The following SYNE1 variants were observed in gnomAD, a reference collection of about 807,000 sequenced individuals.
SYNE1 encodes the protein nesprin-1.
SYNE1 carries 616 observed loss-of-function variants against 1,111.0 expected under a neutral mutation model. That is an observed-to-expected ratio of 0.55 (90% confidence interval 0.52 to 0.59). The LOEUF is 0.59. SYNE1 is among the 20% of genes least tolerant of loss of function. The pLI, the probability that SYNE1 is intolerant of heterozygous loss-of-function variation, is 0.00. For synonymous variants in SYNE1, 3,855 were observed against 3,825.8 expected, an observed-to-expected ratio of 1.01 and a Z score of -0.28; for missense variants, 10,006 against 10,417.0, an observed-to-expected ratio of 0.96 and a Z score of 1.72.
rs1034606579 is a variant in SYNE1 at position 152,133,471 on chromosome 6, C to T, written c.25806G>A (p.Leu8602=). The change falls in exon 143 of 146, where the codon CTG becomes CTA. Residue 8602 remains leucine, a synonymous_variant. Transcript: ENST00000367255. The part of the protein sequence containing the change: ...HKQLMQIKHE[L]LESQLRVASL... ...AGGCTACTCTGAGTTGGGATTCCAA[C>T]AGCTCATGCTTTATTTGCTATGCAT... 5 of 1,614,104 alleles carry T rather than the reference C, an allele frequency of 3.1e-6. No individual in the cohort carries two copies. The highest frequency in any genetic ancestry group is 3.4e-6 in the Non-Finnish European group (4 of 1,180,044).
At chr6:152,527,955 T>C (rs1594734838) in intron 4 of SYNE1, among the ~76,000 whole-genome samples, 1 of 152,126 alleles carries the variant, frequency 6.6e-6, no homozygotes, top group African/African-American at 2.4e-5. Flanking sequence ...CTCCAGCTGT[T>C]CCCTCCACAA....
chr6:152,291,207 TGC>T (rs2094589227), intron 95 of SYNE1, among the ~76,000 whole-genome samples: 2 of 111,782 alleles, frequency 1.8e-5, no homozygotes, highest in African/African-American at 7.3e-5. Context: ...TATTAATATA[TGC>T]AATTATATTA....
intron 2 of SYNE1, among the ~76,000 whole-genome samples, chr6:152,634,627 T>G (rs916101051): frequency 1.3e-5 from 2 of 152,200 alleles, no homozygotes; most frequent in African/African-American, 4.8e-5. Flanking sequence ...CTAGTATGAA[T>G]TATACAGAGT....
rs566289838 is a variant in SYNE1 at position 152,542,603 on chromosome 6, A to G, written c.68-2582T>C. ...ACATATAAAACTGTCAAGACACTGA[A>G]CTACCAAGGTCATCCAGCAGCACAG... On this transcript the variant is annotated intron_variant, in intron 3 of 145. Coordinates refer to ENST00000367255, the MANE Select transcript of SYNE1 (RefSeq NM_182961.4). Among the ~76,000 whole-genome samples the G allele has an allele frequency of 9.5e-4, 145 of 152,264 alleles. 1 individual carries two copies. Among genetic ancestry groups the G allele is most frequent in the African/African-American group, 3.0e-3 (126 of 41,558 alleles).
intron 31 of SYNE1, among the ~76,000 whole-genome samples, chr6:152,441,735 G>A (rs2098532331): frequency 6.6e-6 from 1 of 152,178 alleles, no homozygotes; most frequent in Admixed American, 6.5e-5. Context: ...ATAAATGTGT[G>A]GCTGCATGGC....
In SYNE1 at chr6:152,318,951, A is replaced by G. The variant is rs751260704; in HGVS notation, c.16301T>C (p.Ile5434Thr). 3 of 1,614,188 alleles carry G rather than the reference A, an allele frequency of 1.9e-6. No homozygotes were observed. Among genetic ancestry groups the G allele is most frequent in the Non-Finnish European group, 1.7e-6 (2 of 1,180,038 alleles). ...TGTGAGGTCTTTAGCTAACTTCTGA[A>G]TTTGCCGGCTGAGTTCCTGGCTCGT... ...KATSQELSRQ[I>T]QKLAKDLTTI... The change falls in exon 85 of 146, where the codon ATT (isoleucine) becomes ACT (threonine). Residue 5434 changes from isoleucine to threonine, a missense_variant. Physicochemically the swap from Ile to Thr is moderately conservative, Grantham distance 89. Around this residue, in one of 7 missense-constraint regions of SYNE1, gnomAD observed 4,955 missense variants for 5,017.2 expected, o/e 0.99. Coordinates refer to ENST00000367255, the MANE Select transcript of SYNE1 (RefSeq NM_182961.4).
At chr6:152,196,463 A>C (rs1361507227) in intron 127 of SYNE1, among the ~76,000 whole-genome samples, 1 of 151,962 alleles carries the variant, frequency 6.6e-6, no homozygotes, top group Non-Finnish European at 1.5e-5. Flanking sequence ...ACTGCTGACT[A>C]TCCAGGGCCT....
intron 4 of SYNE1, among the ~76,000 whole-genome samples, chr6:152,535,946 G>C (rs1209178299): frequency 2.0e-5 from 3 of 152,214 alleles, no homozygotes; most frequent in Admixed American, 6.5e-5. Flanking sequence ...CAAGGCCTAT[G>C]CTGTTAGGCC....
chr6:152,496,583 C>T (rs1389610883), intron 11 of SYNE1, among the ~76,000 whole-genome samples: 3 of 152,140 alleles, frequency 2.0e-5, no homozygotes, highest in African/African-American at 7.2e-5. Context: ...CACGATATCA[C>T]CCCTTACCCC....
chr6:152,405,601 A>C (rs1209105470), intron 45 of SYNE1, among the ~76,000 whole-genome samples: 1 of 152,246 alleles, frequency 6.6e-6, no homozygotes, highest in Non-Finnish European at 1.5e-5. Context: ...TTAAGTTTTA[A>C]TAATGGTTGT....
At chr6:152,233,288 C>T (rs1056393932) in intron 112 of SYNE1, among the ~76,000 whole-genome samples, 3 of 152,034 alleles carry the variant, frequency 2.0e-5, no homozygotes, top group Admixed American at 2.0e-4. Context: ...TAAAGAAACC[C>T]TCAGAGGAAA....
At chr6:152,547,854 T>C (rs1417038515) in intron 3 of SYNE1, among the ~76,000 whole-genome samples, 1 of 152,194 alleles carries the variant, frequency 6.6e-6, no homozygotes, top group African/African-American at 2.4e-5. Context: ...TTTCCTTATT[T>C]TTTTATGGAG....
intron 4 of SYNE1, among the ~76,000 whole-genome samples, chr6:152,539,521 A>C (rs1008304260): frequency 1.3e-5 from 2 of 152,160 alleles, no homozygotes; most frequent in African/African-American, 4.8e-5. Flanking sequence ...TTACTTTTTT[A>C]AATCAAAGCA....
intron 145 of SYNE1, among the ~76,000 whole-genome samples, chr6:152,123,687 T>C (rs760634402): frequency 2.6e-5 from 4 of 152,156 alleles, no homozygotes; most frequent in African/African-American, 7.2e-5. Context: ...CCATACAACA[T>C]TGAATGAACA....
At chr6:152,171,604 G>C (rs1198589078) in intron 130 of SYNE1, among the ~76,000 whole-genome samples, 1 of 152,162 alleles carries the variant, frequency 6.6e-6, no homozygotes, top group Non-Finnish European at 1.5e-5. Flanking sequence ...AACCAATCAG[G>C]AGCTGGCCAG....
At chr6:152,401,026 G>T in intron 47 of SYNE1, 112 bp downstream of exon 47, 1 of 1,022,414 alleles carries the variant, frequency 9.8e-7, no homozygotes, top group Non-Finnish European at 1.5e-6. Flanking sequence ...AGTTGGTCTG[G>T]TGTTCATATG....
At chr6:152,140,561 G>A (rs1195496958) in intron 139 of SYNE1, among the ~76,000 whole-genome samples, 12 of 152,172 alleles carry the variant, frequency 7.9e-5, no homozygotes, top group Admixed American at 7.9e-4. Flanking sequence ...GAGCTGGGGT[G>A]GTAGTGCGCG....
In SYNE1 at chr6:152,264,644, T is replaced by C. The variant is rs944289355; in HGVS notation, c.18816-2456A>G. ...AGACCCTGTCTCTACAAAAAAAAAT[T>C]CAAAAATTAGCCAGGCATGGTGGTA... On this transcript the variant is annotated intron_variant, in intron 100 of 145. Coordinates refer to ENST00000367255, the MANE Select transcript of SYNE1 (RefSeq NM_182961.4). 3.3e-5 allele frequency among the ~76,000 whole-genome samples: 5 copies of C among 150,184 alleles called. No homozygotes were observed. The South Asian group carries it at 6.3e-4, about 19-fold the overall frequency.
chr6:152,619,248 G>T (rs918540557), intron 3 of SYNE1, among the ~76,000 whole-genome samples: 14 of 152,116 alleles, frequency 9.2e-5, no homozygotes, highest in Admixed American at 6.6e-5. Flanking sequence ...TACATTCATG[G>T]AACTCTAAAC....
Sources: gnomAD v4.1 joint callset for allele counts (sites outside exome capture counted in the v4.1 genomes callset) on GRCh38, gnomAD v4.1.1 for gene constraint, gnomAD v4.1.1 regional missense constraint, MANE v1.5 for transcripts, NCBI Gene and HGNC (gene_info 2026-07-23, HGNC 2026-07-21) for gene names.